PAX3: variants seen among roughly 807,000 people sequenced by gnomAD.
PAX3 encodes paired box 3.
A neutral mutation model predicts 51.6 loss-of-function variants in PAX3; 14 were observed. The ratio of observed to expected loss-of-function variants is 0.27; its 90% CI spans 0.18 to 0.42. The LOEUF (loss-of-function observed/expected upper bound fraction) is 0.42, where lower values mean the gene tolerates loss of function less well. PAX3 is among the 10% of genes least tolerant of loss of function. PAX3 has a pLI of 1.00. For synonymous variants in PAX3, 280 were observed against 253.4 expected (o/e 1.11, Z -1.00); for missense variants, 540 against 642.8 (o/e 0.84, Z 1.73).
intron 5 of PAX3, chr2:222,221,857 G>A: frequency 5.8e-6 from 1 of 173,468 alleles, no homozygotes; most frequent in South Asian, 1.4e-4. Flanking sequence ...GTCACTAGGG[G>A]TATAGCTTCT....
rs1173013211 is a variant in PAX3 at position 222,265,645 on chromosome 2, A to AGG, written c.586+28521_586+28522insCC. ...GACAGAGTGAGACTCCATCAAAAAAAAGAAGGAAGGAAGGAAGGAAGGAAG... is the reference window on the plus strand; with the variant it reads ...GACAGAGTGAGACTCCATCAAAAAAAGGAGAAGGAAGGAAGGAAGGAAGGAAG... On this transcript the variant is annotated intron_variant, in intron 4 of 8. Transcript: ENST00000392070. Among the ~76,000 whole-genome samples, 294 of 148,008 alleles carry AGG rather than the reference A, an allele frequency of 2.0e-3. 4 individuals carry two copies. Among genetic ancestry groups the AGG allele is most frequent in the African/African-American group, 7.1e-3 (284 of 40,100 alleles).
At chr2:222,250,412 C>T (rs1046663413) in intron 4 of PAX3, among the ~76,000 whole-genome samples, 3 of 152,038 alleles carry the variant, frequency 2.0e-5, no homozygotes, top group Admixed American at 1.3e-4. Context: ...TGCTAGTACC[C>T]TCCCAAACTT....
intron 4 of PAX3, chr2:222,293,505 G>C (rs1695123350): frequency 1.2e-6 from 1 of 845,510 alleles, no homozygotes; most frequent in Non-Finnish European, 1.8e-6. Context: ...AGAAGACAGA[G>C]GGTGCCAGCA....
At chr2:222,266,771 C>G (rs186231165) in intron 4 of PAX3, among the ~76,000 whole-genome samples, 2 of 152,178 alleles carry the variant, frequency 1.3e-5, no homozygotes, top group African/African-American at 2.4e-5. Context: ...TTCTCTTCCC[C>G]TATGATTTCA....
rs1002330350 is a variant in PAX3 at position 222,250,349 on chromosome 2, A to G, written c.587-18066T>C. ...GAGAATTTGCAAACAACCTTGAGTCAATTCAAGATTTTAGCCAGCATGTAT... is the reference window on the plus strand; with the variant it reads ...GAGAATTTGCAAACAACCTTGAGTCGATTCAAGATTTTAGCCAGCATGTAT... On this transcript the variant is annotated intron_variant, in intron 4 of 8. Transcript: ENST00000392070. Among the ~76,000 whole-genome samples, 7 of 152,312 alleles carry G rather than the reference A, an allele frequency of 4.6e-5. No individual in the cohort carries two copies. The East Asian group carries it at 1.4e-3, about 29-fold the overall frequency.
chr2:222,296,904 T>TG, intron 2 of PAX3, 74 bp downstream of exon 2: 1 of 1,241,428 alleles, frequency 8.1e-7, no homozygotes, highest in Non-Finnish European at 1.2e-6. Context: ...TGTCAGCCGT[T>TG]ACCCCCCGCC....
intron 5 of PAX3, among the ~76,000 whole-genome samples, chr2:222,224,110 A>G (rs1361391222): frequency 6.6e-6 from 1 of 152,226 alleles, no homozygotes; most frequent in Non-Finnish European, 1.5e-5. Flanking sequence ...GTTTGTTTTC[A>G]TATTTTCTAA....
At chr2:222,222,443 G>A (rs909623291) in intron 5 of PAX3, among the ~76,000 whole-genome samples, 8 of 147,222 alleles carry the variant, frequency 5.4e-5, no homozygotes, top group Non-Finnish European at 1.0e-4. Context: ...TTGCTCTGTC[G>A]CCCAGTCTGG....
intron 4 of PAX3, among the ~76,000 whole-genome samples, chr2:222,270,255 C>A (rs45469792): frequency 6.6e-6 from 1 of 152,188 alleles, no homozygotes; most frequent in South Asian, 2.1e-4. Flanking sequence ...GCTCAAGCTC[C>A]GACTAGCATC....
At chr2:222,271,865 G>C (rs1049183094) in intron 4 of PAX3, among the ~76,000 whole-genome samples, 10 of 152,198 alleles carry the variant, frequency 6.6e-5, no homozygotes, top group African/African-American at 2.4e-4. Flanking sequence ...CATGAAAGAA[G>C]CCTTCTAAAG....
At chr2:222,224,608 A>G (rs993955798) in intron 5 of PAX3, among the ~76,000 whole-genome samples, 2 of 152,162 alleles carry the variant, frequency 1.3e-5, no homozygotes, top group Admixed American at 6.5e-5. Context: ...AATGACCTTT[A>G]CTTTCAATAC....
At position 222,286,649 on chromosome 2, in the gene PAX3, T is replaced by C. The variant is rs1464148844; in HGVS notation, c.586+7518A>G. On this transcript the variant is annotated intron_variant, in intron 4 of 8. Transcript: ENST00000392070. ...GCAACGTGCAAGGCAAAATCCTTTC[T>C]CAAGATTTTCCTTTCCCCTAGAAGA... 2.6e-5 allele frequency among the ~76,000 whole-genome samples: 4 copies of C among 152,226 alleles called. No individual in the cohort carries two copies. The South Asian group carries it at 6.2e-4, about 24-fold the overall frequency.
intron 5 of PAX3, among the ~76,000 whole-genome samples, chr2:222,228,921 A>T (rs1433369227): frequency 6.6e-6 from 1 of 152,186 alleles, no homozygotes; most frequent in Non-Finnish European, 1.5e-5. Context: ...AGGCTGGGCA[A>T]CAAAGTGAGA....
At position 222,232,148 on chromosome 2, in the gene PAX3, G is replaced by C; in HGVS notation, c.722C>G (p.Thr241Ser). ...LEELERAFERTHYPDIYTREE... is the reference protein window; with the variant it reads ...LEELERAFERSHYPDIYTREE... ...CCTAGTATAAATGTCAGGGTAATGA[G>C]TTCTCTCAAAAGCACGCTCCAGTTC... The change falls in exon 5 of 9, where the codon ACT becomes AGT. Residue 241 changes from threonine (T) to serine (S), a missense_variant. Thr to Ser is a moderately conservative substitution (Grantham distance 58). Around this residue, in one of 3 missense-constraint regions of PAX3, gnomAD observed 427 missense variants for 483.6 expected, o/e 0.88. Transcript: ENST00000392070. 1 of 1,614,052 alleles carries C rather than the reference G, an allele frequency of 6.2e-7. No individual in the cohort carries two copies. The highest frequency in any genetic ancestry group is 8.5e-7 in the Non-Finnish European group (1 of 1,179,956).
chr2:222,297,198 C>T lies in PAX3; in HGVS notation c.101G>A (p.Gly34Asp). 6.3e-7 allele frequency: 1 copy of T among 1,583,926 alleles called. No individual in the cohort carries two copies. Among genetic ancestry groups the T allele is most frequent in the Non-Finnish European group, 8.6e-7 (1 of 1,164,968 alleles). ...GCCGAGCTGGTTGACGCGGCCCTGG[C>T]CGAGGGGAGTGGACACTGTGGGAAG... ...GFPLEVSTPL[G>D]QGRVNQLGGV... The change falls in exon 2 of 9, where the codon GGC becomes GAC. Residue 34 changes from glycine to aspartate, a missense_variant. Transcript: ENST00000392070.
At chr2:222,218,875 G>A (rs1692074331) in intron 7 of PAX3, among the ~76,000 whole-genome samples, 2 of 152,194 alleles carry the variant, frequency 1.3e-5, no homozygotes, top group South Asian at 4.2e-4. Context: ...TTACAAAAAA[G>A]GATTTATGAA....
intron 4 of PAX3, among the ~76,000 whole-genome samples, chr2:222,284,181 G>T (rs1041026861): frequency 1.3e-5 from 2 of 152,202 alleles, no homozygotes; most frequent in Admixed American, 6.5e-5. Context: ...CACGTGCAGA[G>T]CTATAAAGAC....
At chr2:222,281,723 C>T (rs958878173) in intron 4 of PAX3, among the ~76,000 whole-genome samples, 4 of 152,192 alleles carry the variant, frequency 2.6e-5, no homozygotes, top group South Asian at 4.1e-4. Context: ...TCAGATGCCA[C>T]AAACTATGAG....
chr2:222,246,675 T>C (rs1021626192), intron 4 of PAX3, among the ~76,000 whole-genome samples: 3 of 152,198 alleles, frequency 2.0e-5, no homozygotes, highest in Admixed American at 6.5e-5. Flanking sequence ...GCATTCTTTT[T>C]TTCTGTGTAA....
Sources: gnomAD v4.1 joint callset for allele counts (sites outside exome capture counted in the v4.1 genomes callset) on GRCh38, gnomAD v4.1.1 for gene constraint, gnomAD v4.1.1 regional missense constraint, MANE v1.5 for transcripts, NCBI Gene and HGNC (gene_info 2026-07-23, HGNC 2026-07-21) for gene names.